The following DGKI variants were observed in gnomAD, a reference collection of about 807,000 sequenced individuals.
DGKI encodes diacylglycerol kinase iota, also known as DAG kinase iota.
Under a neutral mutation model 147.5 loss-of-function variants are expected in DGKI, and 55 were observed. The ratio of observed to expected loss-of-function variants is 0.37; its 90% CI spans 0.30 to 0.47. The LOEUF is 0.47. Ranked by LOEUF, DGKI falls within the 20% of genes least tolerant of loss-of-function variation. DGKI has a pLI of 1.00. For missense variants in DGKI, 1,007 were observed against 1,323.8 expected, an observed-to-expected ratio of 0.76 and a Z score of 3.71; for synonymous variants, 469 against 477.1, an observed-to-expected ratio of 0.98 and a Z score of 0.22.
At chr7:137,422,133 G>C (rs17169155) in intron 28 of DGKI, among the ~76,000 whole-genome samples, 61,853 of 151,994 alleles carry the variant, frequency 0.41, 13,128 homozygotes, top group East Asian at 0.74. Context: ...TGATAGTAAC[G>C]CTTAGATAAG....
At chr7:137,587,309 G>C in intron 12 of DGKI, 99 bp from the exon 13 acceptor site, 1 of 846,844 alleles carries the variant, frequency 1.2e-6, no homozygotes, top group African/African-American at 1.8e-5. Context: ...TAAACAGAAT[G>C]GTTTTATTTT....
chr7:137,522,455 T>C (rs1379816200), intron 20 of DGKI, among the ~76,000 whole-genome samples: 1 of 152,056 alleles, frequency 6.6e-6, no homozygotes, highest in African/African-American at 2.4e-5. Flanking sequence ...CCGAAGTAGC[T>C]CTACACAGCT....
chr7:137,780,660 G>A (rs529054991), intron 1 of DGKI, among the ~76,000 whole-genome samples: 3 of 152,112 alleles, frequency 2.0e-5, no homozygotes, highest in Non-Finnish European at 4.4e-5. Context: ...CTAAATGGGG[G>A]TAGAAAAATG....
chr7:137,681,078 G>T (rs1236048489), intron 2 of DGKI, among the ~76,000 whole-genome samples: 1 of 152,262 alleles, frequency 6.6e-6, no homozygotes, highest in African/African-American at 2.4e-5. Flanking sequence ...GATGTCAAGG[G>T]CTTCAGGACA....
At chr7:137,842,386 T>A (rs947610882) in intron 1 of DGKI, among the ~76,000 whole-genome samples, 1 of 152,244 alleles carries the variant, frequency 6.6e-6, no homozygotes, top group Non-Finnish European at 1.5e-5. Context: ...ATTTTTTACA[T>A]GGTTGCCCAA....
At chr7:137,739,016 T>A (rs188043491) in intron 1 of DGKI, among the ~76,000 whole-genome samples, 1 of 152,222 alleles carries the variant, frequency 6.6e-6, no homozygotes, top group Non-Finnish European at 1.5e-5. Context: ...CATTCAGTCA[T>A]GTTTTTTATC....
At chr7:137,542,264 C>T (rs945998899) in intron 20 of DGKI, among the ~76,000 whole-genome samples, 4 of 152,142 alleles carry the variant, frequency 2.6e-5, no homozygotes, top group Admixed American at 2.6e-4. Context: ...CCCATTCCTA[C>T]ATGTTTAACC....
At chr7:137,427,037 G>C (rs1812840637) in intron 28 of DGKI, among the ~76,000 whole-genome samples, 1 of 150,774 alleles carries the variant, frequency 6.6e-6, no homozygotes, top group Non-Finnish European at 1.5e-5. Context: ...ACTCAGCTCT[G>C]CACCAAGTGG....
At chr7:137,415,020 T>C (rs1009568557) in intron 28 of DGKI, among the ~76,000 whole-genome samples, 15 of 152,254 alleles carry the variant, frequency 9.9e-5, no homozygotes, top group African/African-American at 3.4e-4. Flanking sequence ...GAAAAAGACA[T>C]ATGGACCTTC....
At chr7:137,393,411 A>T (rs925218799) in intron 32 of DGKI, among the ~76,000 whole-genome samples, 3 of 152,068 alleles carry the variant, frequency 2.0e-5, no homozygotes, top group Admixed American at 6.5e-5. Context: ...TTTTAAAATG[A>T]TCTGAGTTGA....
At chr7:137,718,119 C>A (rs1408079687) in intron 1 of DGKI, among the ~76,000 whole-genome samples, 1 of 152,100 alleles carries the variant, frequency 6.6e-6, no homozygotes, top group East Asian at 1.9e-4. Context: ...CAAAAACCAG[C>A]CGGGTGGGCT....
chr7:137,433,816 C>T (rs1813175004), intron 28 of DGKI, among the ~76,000 whole-genome samples: 1 of 152,158 alleles, frequency 6.6e-6, no homozygotes, highest in African/African-American at 2.4e-5. Context: ...TCTCATCTTT[C>T]CACTTAAAAG....
intron 15 of DGKI, among the ~76,000 whole-genome samples, chr7:137,579,975 AG>A (rs1454705976): frequency 6.6e-6 from 1 of 152,152 alleles, no homozygotes; most frequent in Non-Finnish European, 1.5e-5. Flanking sequence ...TTCCCATGTA[AG>A]GGTCTCTCCC....
intron 12 of DGKI, among the ~76,000 whole-genome samples, chr7:137,594,288 G>A (rs1819714332): frequency 6.6e-6 from 1 of 152,098 alleles, no homozygotes; most frequent in African/African-American, 2.4e-5. Context: ...CTCAAGTGAT[G>A]TGCTCACCTC....
At chr7:137,429,472 C>T (rs1812970550) in intron 28 of DGKI, among the ~76,000 whole-genome samples, 4 of 150,512 alleles carry the variant, frequency 2.7e-5, no homozygotes, top group Admixed American at 1.3e-4. Flanking sequence ...CTAGGCATTA[C>T]CATTCAGGAC....
intron 1 of DGKI, among the ~76,000 whole-genome samples, chr7:137,814,633 T>C (rs1487188569): frequency 1.3e-5 from 2 of 152,150 alleles, no homozygotes; most frequent in Non-Finnish European, 2.9e-5. Context: ...TTGCTAGATA[T>C]ACATCTTGGG....
intron 1 of DGKI, chr7:137,722,148 T>C: frequency 1.9e-6 from 3 of 1,599,430 alleles, no homozygotes; most frequent in Non-Finnish European, 2.5e-6. Context: ...TCAGAGGAAT[T>C]GGCAGGTATT....
intron 3 of DGKI, among the ~76,000 whole-genome samples, chr7:137,667,218 T>C (rs993539471): frequency 6.6e-6 from 1 of 152,140 alleles, no homozygotes; most frequent in African/African-American, 2.4e-5. Flanking sequence ...GATATAAATA[T>C]AATTACAGGT....
chr7:137,747,116 T>G (rs1795362581), intron 1 of DGKI, among the ~76,000 whole-genome samples: 1 of 152,154 alleles, frequency 6.6e-6, no homozygotes, highest in Non-Finnish European at 1.5e-5. Context: ...ATCCTATTTT[T>G]TTTAATCACA....
Sources: allele counts gnomAD v4.1 joint callset (sites outside exome capture counted in the v4.1 genomes callset), GRCh38; gene constraint gnomAD v4.1.1; transcripts MANE v1.5; gene names NCBI Gene and HGNC (gene_info 2026-07-23, HGNC 2026-07-21).